Variants in PAFAH2 observed in about 807,000 individuals in gnomAD.
PAFAH2 encodes the protein platelet activating factor acetylhydrolase 2.
PAFAH2 carries 42 observed loss-of-function variants against 49.0 expected under a neutral mutation model. That is an observed-to-expected ratio of 0.86 (90% CI 0.67 to 1.11). PAFAH2 has a LOEUF of 1.11. Among genes scored for constraint, PAFAH2 ranks in the 50% least tolerant of loss-of-function variants. The pLI, the probability that PAFAH2 is intolerant of heterozygous loss-of-function variation, is 0.00. For synonymous variants in PAFAH2, 184 were observed against 181.3 expected, an observed-to-expected ratio of 1.01 and a Z score of -0.12; for missense variants, 503 against 501.8, an observed-to-expected ratio of 1.00 and a Z score of -0.02.
At chr1:25,980,201 T>C (rs1226027574) in intron 7 of PAFAH2, among the ~76,000 whole-genome samples, 2 of 152,264 alleles carry the variant, frequency 1.3e-5, no homozygotes, top group Non-Finnish European at 2.9e-5. Flanking sequence ...CTGGGTAATC[T>C]TGGGTACTTA....
At chr1:25,972,045 A>G (rs2049516734) in intron 10 of PAFAH2, among the ~76,000 whole-genome samples, 1 of 152,124 alleles carries the variant, frequency 6.6e-6, no homozygotes. Context: ...TTCTGCAAGT[A>G]AGATAGTCAG....
chr1:25,990,409 C>T (rs181910405), intron 2 of PAFAH2, among the ~76,000 whole-genome samples: 135 of 152,240 alleles, frequency 8.9e-4, no homozygotes, highest in Admixed American at 2.4e-3. Context: ...GATTATGATA[C>T]GATTAAAACC....
At chr1:25,988,989 G>A (rs2049832154) in intron 3 of PAFAH2, among the ~76,000 whole-genome samples, 1 of 152,004 alleles carries the variant, frequency 6.6e-6, no homozygotes, top group Non-Finnish European at 1.5e-5. Context: ...GTGACTGGAG[G>A]GAAAACTGCA....
intron 7 of PAFAH2, among the ~76,000 whole-genome samples, chr1:25,982,150 C>T (rs2049699150): frequency 6.6e-6 from 1 of 151,998 alleles, no homozygotes; most frequent in African/African-American, 2.4e-5. Context: ...GAAACCAAGC[C>T]AGGAGAGGGG....
chr1:25,962,007 G>GT lies in PAFAH2; in HGVS notation c.1160dup (p.His387GlnfsTer14). The stretch of plus-strand genomic sequence containing the variant: ...GTTGTGCCTACAGGCTGGACAGATG[G>GT]TGGGGGGCCCCTGGGGTGAGCGACG... On this transcript the variant is annotated frameshift_variant, in exon 11 of 11. Coordinates refer to ENST00000374282, the MANE Select transcript of PAFAH2 (RefSeq NM_000437.4). LOFTEE classifies it high-confidence loss of function. 3.1e-6 allele frequency: 5 copies of GT among 1,613,902 alleles called. No individual in the cohort carries two copies. The highest frequency in any genetic ancestry group is 4.2e-6 in the Non-Finnish European group (5 of 1,179,898).
intron 10 of PAFAH2, 140 bp downstream of exon 10, chr1:25,972,418 T>C (rs953521173): frequency 1.4e-5 from 13 of 934,982 alleles, no homozygotes; most frequent in South Asian, 1.2e-4. Flanking sequence ...TGTAATTCTA[T>C]GTAAGTCTCT....
Position 25,982,314 on chromosome 1 carries a change from C to A in PAFAH2, c.666+50G>T, listed in dbSNP as rs372601987. The stretch of plus-strand genomic sequence containing the variant: ...TAGTTAGGTTTCTGTTACTTGTAAC[C>A]GAGAAAACCCTGAATACTGGGCTCT... On this transcript the variant is annotated intron_variant, in intron 7 of 10. Transcript: ENST00000374282. 13 of 1,335,344 alleles carry A rather than the reference C, an allele frequency of 9.7e-6. No homozygotes were observed. In the African/African-American group the frequency reaches 1.7e-4, roughly 18 times the overall value. The allele number at this position is 1,335,344 out of a possible 1,614,324, so 82.7% of individuals were successfully genotyped here.
At position 25,961,832 on chromosome 1, in the gene PAFAH2, T is replaced by C; in HGVS notation, c.*157A>G. 1 of 572,876 alleles carries C rather than the reference T, an allele frequency of 1.7e-6. No individual in the cohort carries two copies. The highest frequency in any genetic ancestry group is 3.1e-6 in the Non-Finnish European group (1 of 317,998). 35.5% of individuals were successfully genotyped at this position (572,876 alleles called of 1,614,324 possible). On this transcript the variant is annotated 3_prime_UTR_variant, in exon 11 of 11. Transcript: ENST00000374282. ...AGTGATTTTAAGATCAAATCTAAGA[T>C]CAAAGTACCCAGTTATCCAAGCAGC...
At chr1:25,992,923 A>C (rs924503866) in intron 1 of PAFAH2, among the ~76,000 whole-genome samples, 9 of 152,220 alleles carry the variant, frequency 5.9e-5, no homozygotes, top group African/African-American at 2.2e-4. Context: ...TGAGGGGAGA[A>C]AAGTTATTTC....
chr1:25,992,611 T>C (rs1263379031), intron 1 of PAFAH2, among the ~76,000 whole-genome samples: 1 of 152,234 alleles, frequency 6.6e-6, no homozygotes, highest in Admixed American at 6.5e-5. Context: ...CGTATTATTA[T>C]CTCATTTTAC....
intron 4 of PAFAH2, among the ~76,000 whole-genome samples, chr1:25,985,991 T>C (rs2049775977): frequency 6.6e-6 from 1 of 152,262 alleles, no homozygotes; most frequent in South Asian, 2.1e-4. Flanking sequence ...TACTTATGGC[T>C]AAACAACTAC....
intron 1 of PAFAH2, among the ~76,000 whole-genome samples, chr1:25,992,254 G>A (rs1389418318): frequency 6.6e-6 from 1 of 152,148 alleles, no homozygotes; most frequent in African/African-American, 2.4e-5. Context: ...ATATGGGGTA[G>A]CACTTATGCT....
chr1:25,994,931 T>C (rs1259643445), intron 1 of PAFAH2, among the ~76,000 whole-genome samples: 1 of 152,236 alleles, frequency 6.6e-6, no homozygotes, highest in Non-Finnish European at 1.5e-5. Flanking sequence ...AATGAATCTT[T>C]ATTTCCTGGA....
chr1:25,989,626 C>T, intron 2 of PAFAH2, 25 bp from the exon 3 acceptor site: 1 of 1,487,618 alleles, frequency 6.7e-7, no homozygotes, highest in Non-Finnish European at 9.0e-7. Flanking sequence ...AGAGCAGCTG[C>T]TCAGAGCAAG....
intron 10 of PAFAH2, among the ~76,000 whole-genome samples, chr1:25,966,064 C>T (rs1359292867): frequency 1.3e-5 from 2 of 149,998 alleles, no homozygotes; most frequent in African/African-American, 2.4e-5. Flanking sequence ...AAATTAAAAC[C>T]ACAATGAGAT....
At chr1:25,983,880 G>T in intron 6 of PAFAH2, 66 bp downstream of exon 6, 2 of 1,542,170 alleles carry the variant, frequency 1.3e-6, no homozygotes, top group Non-Finnish European at 1.8e-6. Flanking sequence ...TAAAAGTCTT[G>T]CTATCAAATA....
At chr1:25,980,382 G>T (rs532547223) in intron 7 of PAFAH2, among the ~76,000 whole-genome samples, 3 of 151,686 alleles carry the variant, frequency 2.0e-5, no homozygotes, top group Non-Finnish European at 4.4e-5. Flanking sequence ...GAGTACAATG[G>T]CGCGATCTTG....
chr1:25,990,596 T>C (rs2049857426), intron 2 of PAFAH2, 131 bp downstream of exon 2: 3 of 690,810 alleles, frequency 4.3e-6, no homozygotes, highest in Non-Finnish European at 7.4e-6. Flanking sequence ...CCTGGGGGCT[T>C]GATAACCAAA....
chr1:25,995,690 G>A (rs1187236762), intron 1 of PAFAH2, among the ~76,000 whole-genome samples: 3 of 152,128 alleles, frequency 2.0e-5, no homozygotes, highest in Non-Finnish European at 4.4e-5. Context: ...GTAGTGCCCT[G>A]CATATAGCTG....
Sources: allele counts gnomAD v4.1 joint callset (sites outside exome capture counted in the v4.1 genomes callset), GRCh38; gene constraint gnomAD v4.1.1; transcripts MANE v1.5; gene names NCBI Gene and HGNC (gene_info 2026-07-23, HGNC 2026-07-21).